CNTNAP5: variants seen among roughly 807,000 people sequenced by gnomAD.
CNTNAP5 encodes contactin associated protein family member 5.
CNTNAP5 carries 72 observed loss-of-function variants against 150.2 expected under a neutral mutation model. The observed-to-expected ratio is 0.48, with a 90% CI of 0.40 to 0.58. The LOEUF is 0.58. Among genes scored for constraint, CNTNAP5 ranks in the 20% least tolerant of loss-of-function variants. The pLI is 0.00. For synonymous variants in CNTNAP5, 672 were observed against 619.8 expected (o/e 1.08, Z -1.25); for missense variants, 1,636 against 1,626.2 (o/e 1.01, Z -0.10).
intron 6 of CNTNAP5, among the ~76,000 whole-genome samples, chr2:124,464,973 T>C (rs1693342735): frequency 6.6e-6 from 1 of 152,022 alleles, no homozygotes. Flanking sequence ...CATTTACAAA[T>C]GAGAAACTTC....
At chr2:124,150,816 G>C (rs552436046) in intron 1 of CNTNAP5, among the ~76,000 whole-genome samples, 2 of 152,218 alleles carry the variant, frequency 1.3e-5, no homozygotes, top group Admixed American at 6.5e-5. Context: ...GGGAATTAAG[G>C]CTTCAATATG....
At chr2:124,693,352 G>A (rs1474222529) in intron 13 of CNTNAP5, among the ~76,000 whole-genome samples, 1 of 152,120 alleles carries the variant, frequency 6.6e-6, no homozygotes, top group Non-Finnish European at 1.5e-5. Context: ...TTACCCAGAA[G>A]AGTTTAACAG....
Position 124,747,305 on chromosome 2 carries a change from C to G in CNTNAP5, c.2154C>G (p.Val718=). ...HPYWGGSPPG[V]QQCECGLDES... is the part of the protein sequence containing the mutation. ...ACTGGGGAGGTTCCCCTCCTGGGGT[C>G]CAGCAGTGTGAGTGTGGCCTAGACG... is the stretch of plus-strand genomic sequence containing the variant. Residue 718 remains valine, a synonymous_variant, in exon 14 of 24, where the codon GTC becomes GTG. Transcript: ENST00000682447. 6.2e-7 allele frequency: 1 copy of G among 1,613,796 alleles called. No individual in the cohort carries two copies. The highest frequency in any genetic ancestry group is 8.5e-7 in the Non-Finnish European group (1 of 1,179,770).
chr2:124,227,217 G>A (rs1263206330), intron 2 of CNTNAP5, among the ~76,000 whole-genome samples: 1 of 152,052 alleles, frequency 6.6e-6, no homozygotes, highest in Non-Finnish European at 1.5e-5. Flanking sequence ...ATAATATTCT[G>A]CCTCAACACT....
intron 3 of CNTNAP5, among the ~76,000 whole-genome samples, chr2:124,362,243 C>G (rs1027827389): frequency 7.9e-5 from 12 of 152,224 alleles, no homozygotes; most frequent in Admixed American, 2.0e-4. Context: ...CGGTACGTCA[C>G]ATGGAAATGC....
intron 21 of CNTNAP5, among the ~76,000 whole-genome samples, chr2:124,872,792 T>C (rs548130661): frequency 6.6e-6 from 1 of 152,086 alleles, no homozygotes; most frequent in African/African-American, 2.4e-5. Flanking sequence ...TAATACCCTC[T>C]TGTTAAAAAT....
At chr2:124,114,162 A>G (rs2104708841) in intron 1 of CNTNAP5, among the ~76,000 whole-genome samples, 1 of 152,196 alleles carries the variant, frequency 6.6e-6, no homozygotes, top group Admixed American at 6.5e-5. Context: ...ATGTATTGCG[A>G]TATCAATTGG....
At chr2:124,772,097 C>T (rs1681213192) in intron 16 of CNTNAP5, among the ~76,000 whole-genome samples, 1 of 152,090 alleles carries the variant, frequency 6.6e-6, no homozygotes, top group African/African-American at 2.4e-5. Context: ...AATACCACCA[C>T]TACCACAGCA....
At chr2:124,071,654 A>G (rs1334522577) in intron 1 of CNTNAP5, among the ~76,000 whole-genome samples, 9 of 152,062 alleles carry the variant, frequency 5.9e-5, no homozygotes, top group Middle Eastern at 6.8e-3. Flanking sequence ...CCAAGATTGA[A>G]CCATGAAGGA....
chr2:124,551,383 G>A (rs888687927), intron 10 of CNTNAP5, among the ~76,000 whole-genome samples: 3 of 152,020 alleles, frequency 2.0e-5, no homozygotes, highest in Non-Finnish European at 2.9e-5. Flanking sequence ...CAACTGTGGG[G>A]GTAAAATGGG....
intron 3 of CNTNAP5, among the ~76,000 whole-genome samples, chr2:124,289,461 A>G (rs1688230889): frequency 6.6e-6 from 1 of 152,220 alleles, no homozygotes; most frequent in South Asian, 2.1e-4. Flanking sequence ...ATGAAAATGT[A>G]TAAGGTTGTG....
At chr2:124,686,755 C>T (rs193298756) in intron 13 of CNTNAP5, among the ~76,000 whole-genome samples, 1 of 152,154 alleles carries the variant, frequency 6.6e-6, no homozygotes, top group African/African-American at 2.4e-5. Flanking sequence ...TGTTATGCAG[C>T]AATAGATATG....
At position 124,527,330 on chromosome 2, in the gene CNTNAP5, A is replaced by C; in HGVS notation, c.1523A>C (p.Lys508Thr). 1 of 1,613,792 alleles carries C rather than the reference A, an allele frequency of 6.2e-7. No homozygotes were observed. Among genetic ancestry groups the C allele is most frequent in the Non-Finnish European group, 8.5e-7 (1 of 1,179,758 alleles). Residue 508 changes from lysine to threonine, a missense_variant, in exon 10 of 24, where the codon AAG becomes ACG. Coordinates refer to ENST00000682447, the MANE Select transcript of CNTNAP5 (RefSeq NM_001367498.1). ...LTDSQCLNPI[K>T]AFQGCMRLIF... ...GATTCCCAATGTTTAAATCCCATTA[A>C]GGCTTTCCAAGGCTGCATGAGGCTC...
At chr2:124,555,014 G>C (rs1479701453) in intron 10 of CNTNAP5, among the ~76,000 whole-genome samples, 2 of 152,156 alleles carry the variant, frequency 1.3e-5, no homozygotes, top group Non-Finnish European at 2.9e-5. Flanking sequence ...AAGACATTAA[G>C]ATTCTAAGGG....
intron 3 of CNTNAP5, among the ~76,000 whole-genome samples, chr2:124,388,949 G>A (rs987965557): frequency 2.6e-5 from 4 of 152,110 alleles, no homozygotes; most frequent in Non-Finnish European, 5.9e-5. Context: ...CAGAATCCTG[G>A]ACACAAAGAA....
intron 3 of CNTNAP5, among the ~76,000 whole-genome samples, chr2:124,309,906 C>A (rs181207901): frequency 6.6e-6 from 1 of 152,164 alleles, no homozygotes; most frequent in Admixed American, 6.5e-5. Context: ...AAGGGCATAA[C>A]AGGAACAGTG....
intron 13 of CNTNAP5, among the ~76,000 whole-genome samples, chr2:124,693,601 C>T (rs531424230): frequency 3.2e-4 from 49 of 152,030 alleles, no homozygotes; most frequent in Non-Finnish European, 6.9e-4. Context: ...GTACTTTACA[C>T]GTGTTAGTTA....
At chr2:124,212,829 C>CTTTTTTT (rs66534077) in intron 1 of CNTNAP5, among the ~76,000 whole-genome samples, 2 of 62,872 alleles carry the variant, frequency 3.2e-5, no homozygotes, top group Non-Finnish European at 5.4e-5. Flanking sequence ...GTAGATAAAT[C>CTTTTTTT]TTTTTTTTTT....
chr2:124,650,414 G>C (rs1453852154), intron 13 of CNTNAP5, among the ~76,000 whole-genome samples: 2 of 152,164 alleles, frequency 1.3e-5, no homozygotes, highest in African/African-American at 4.8e-5. Context: ...TCACCGTCTG[G>C]AAAAGCAGGA....
Sources: gnomAD v4.1 joint callset for allele counts (sites outside exome capture counted in the v4.1 genomes callset) on GRCh38, gnomAD v4.1.1 for gene constraint, MANE v1.5 for transcripts, NCBI Gene and HGNC (gene_info 2026-07-23, HGNC 2026-07-21) for gene names.